The following MMAB variants were observed in gnomAD, a reference collection of about 807,000 sequenced individuals.
MMAB encodes corrinoid adenosyltransferase MMAB.
MMAB carries 17 observed loss-of-function variants against 30.6 expected under a neutral mutation model. That is an observed-to-expected ratio of 0.56 (90% CI 0.38 to 0.83). The LOEUF (loss-of-function observed/expected upper bound fraction) is 0.83. MMAB is among the 40% of genes least tolerant of loss of function. The pLI is 0.00. For missense variants in MMAB, 311 were observed against 331.6 expected (o/e 0.94, Z 0.48); for synonymous variants, 134 against 138.6 (o/e 0.97, Z 0.23).
rs879270876 is a variant in MMAB, at chr12:109,556,475, G to A, written c.*553C>T. 3 of 453,918 alleles carry A rather than the reference G, an allele frequency of 6.6e-6. No individual in the cohort carries two copies. The highest frequency in any genetic ancestry group is 2.4e-5 in the Admixed American group (1 of 42,530). 28.1% of individuals were successfully genotyped at this position (453,918 alleles called of 1,614,324 possible). On this transcript the variant is annotated 3_prime_UTR_variant, in exon 9 of 9. Transcript: ENST00000545712. ...AGCTATCCTTCCCCCACACTTTGGCGGTGATGGGTGGCTCAGAGGTGACTA... is the reference window on the plus strand; with the variant it reads ...AGCTATCCTTCCCCCACACTTTGGCAGTGATGGGTGGCTCAGAGGTGACTA...
rs954626686 is a variant in MMAB at position 109,561,997 on chromosome 12, C to T, written c.349-145G>A. 14 of 717,402 alleles carry T rather than the reference C, an allele frequency of 2.0e-5. No individual in the cohort carries two copies. The Admixed American group carries it at 2.7e-4, about 14-fold the overall frequency. The allele number at this position is 717,402 out of a possible 1,614,324, so 44.4% of individuals were successfully genotyped here. ...GTGATATGGTTTGGCAATGTGTCCC[C>T]ATCCAAATCTCATGTTAAATTGTGA... On this transcript the variant is annotated intron_variant, in intron 4 of 8. Transcript: ENST00000545712. This position sits in a 1 kb window ranked among gnomAD's most constrained non-coding sequence, Gnocchi z 5.3.
chr12:109,561,767 G>A lies in MMAB; in HGVS notation c.421+13C>T. On this transcript the variant is annotated intron_variant, in intron 5 of 8. Transcript: ENST00000545712. The surrounding 1 kb of genome is among the most constrained non-coding windows in gnomAD (Gnocchi z 5.3). ...TAGGGCCCTCTGAACACCCACAGGAGTTTGAGAATTACTTAAGTGAGCCTC... is the reference window on the plus strand; with the variant it reads ...TAGGGCCCTCTGAACACCCACAGGAATTTGAGAATTACTTAAGTGAGCCTC... The A allele has an allele frequency of 3.7e-6, 6 of 1,602,730 alleles. No homozygotes were observed. Among genetic ancestry groups the A allele is most frequent in the Non-Finnish European group, 5.1e-6 (6 of 1,173,910 alleles).
rs1165376695 is a variant in MMAB, at chr12:109,569,521, A to G, written c.197-658T>C. 6.6e-6 allele frequency among the ~76,000 whole-genome samples: 1 copy of G among 152,210 alleles called. No homozygotes were observed. Among genetic ancestry groups the G allele is most frequent in the Non-Finnish European group, 1.5e-5 (1 of 68,042 alleles). ...CTGATAAAGAAATACAACACGTTCTATATTTTATATCATATATACATTACC... is the reference window on the plus strand; with the variant it reads ...CTGATAAAGAAATACAACACGTTCTGTATTTTATATCATATATACATTACC... On this transcript the variant is annotated intron_variant, in intron 2 of 8. Transcript: ENST00000545712. This position sits in a 1 kb window ranked among gnomAD's most constrained non-coding sequence, Gnocchi z 4.1.
Position 109,556,390 on chromosome 12 carries a change from C to A in MMAB, c.*638G>T, listed in dbSNP as rs561830040. On this transcript the variant is annotated 3_prime_UTR_variant, in exon 9 of 9. Coordinates refer to ENST00000545712, the MANE Select transcript of MMAB (RefSeq NM_052845.4). ...TTCAGAGGGGGTCCTCTAAGCTGCA[C>A]CCCCATCACACACACTTCAATCTAA... 2.0e-5 allele frequency: 9 copies of A among 454,042 alleles called. No individual in the cohort carries two copies. The highest frequency in any genetic ancestry group is 1.4e-4 in the African/African-American group (7 of 50,078). The allele number at this position is 454,042 out of a possible 1,614,324, so 28.1% of individuals were successfully genotyped here.
Position 109,555,281 on chromosome 12 carries a change from T to TTTTTTG in MMAB, c.*1746_*1747insCAAAAA. ...TAGTGATTGCGTTTTCAGGGTTTTT[T>TTTTTTG]TTTTTTTTTTTTTTTTTTTGTGACG... is the stretch of plus-strand genomic sequence containing the variant. On this transcript the variant is annotated 3_prime_UTR_variant, in exon 9 of 9. Coordinates refer to ENST00000545712, the MANE Select transcript of MMAB (RefSeq NM_052845.4). 1 of 226,392 alleles carries TTTTTTG rather than the reference T, an allele frequency of 4.4e-6. No homozygotes were observed. Among genetic ancestry groups the TTTTTTG allele is most frequent in the Non-Finnish European group, 9.2e-6 (1 of 108,338 alleles). The allele number at this position is 226,392 out of a possible 1,614,324, so 14.0% of individuals were successfully genotyped here. A position where few individuals can be genotyped will look rare whatever the true frequency, so the allele number is the denominator to read the frequency against.
At chr12:109,572,054 C>T (rs1016817393) in intron 1 of MMAB, among the ~76,000 whole-genome samples, 3 of 152,154 alleles carry the variant, frequency 2.0e-5, no homozygotes, top group South Asian at 2.1e-4. Context: ...CTGGAATTAT[C>T]CTGGAATCTT....
chr12:109,554,996 G>A lies in MMAB; in HGVS notation c.*2032C>T. 1 of 454,126 alleles carries A rather than the reference G, an allele frequency of 2.2e-6. No individual in the cohort carries two copies. Among genetic ancestry groups the A allele is most frequent in the Non-Finnish European group, 4.4e-6 (1 of 226,800 alleles). 28.1% of individuals were successfully genotyped at this position (454,126 alleles called of 1,614,324 possible). On this transcript the variant is annotated 3_prime_UTR_variant, in exon 9 of 9. Transcript: ENST00000545712. The stretch of plus-strand genomic sequence containing the variant: ...GAACGCGACTGTTAACATCCAGGCT[G>A]TGACACCCGGTCCTGGAAGGACAGG...
rs1231700226 is a variant in MMAB, at chr12:109,554,936, T to A, written c.*2092A>T. 1.8e-5 allele frequency: 8 copies of A among 453,982 alleles called. No individual in the cohort carries two copies. Among genetic ancestry groups the A allele is most frequent in the Non-Finnish European group, 3.5e-5 (8 of 226,802 alleles). 28.1% of individuals were successfully genotyped at this position (453,982 alleles called of 1,614,324 possible). The stretch of plus-strand genomic sequence containing the variant: ...GGTTTCTCAGAGAAGTGTTTGCTGG[T>A]GAACCGGGAGACAGATACAGAGGCG... On this transcript the variant is annotated 3_prime_UTR_variant, in exon 9 of 9. Coordinates refer to ENST00000545712, the MANE Select transcript of MMAB (RefSeq NM_052845.4).
Position 109,558,842 on chromosome 12 carries a change from G to T in MMAB, c.644+254C>A, listed in dbSNP as rs1016998854. Among the ~76,000 whole-genome samples, 4 of 151,996 alleles carry T rather than the reference G, an allele frequency of 2.6e-5. No homozygotes were observed. On this transcript the variant is annotated intron_variant, in intron 8 of 8. Coordinates refer to ENST00000545712, the MANE Select transcript of MMAB (RefSeq NM_052845.4). The surrounding 1 kb of genome is among the most constrained non-coding windows in gnomAD (Gnocchi z 4.3). ...ACTTTGCACTTAGGTTTTTCTTCCT[G>T]GTTTTTACAGCAGCCTCTCCCAATA... is the stretch of plus-strand genomic sequence containing the variant.
At chr12:109,566,637 C>T (rs1884437605) in intron 3 of MMAB, among the ~76,000 whole-genome samples, 1 of 152,204 alleles carries the variant, frequency 6.6e-6, no homozygotes, top group Non-Finnish European at 1.5e-5. Context: ...CTGCCTGCTC[C>T]CTGCACTCTG....
Position 109,561,412 on chromosome 12 carries a change from G to A in MMAB, c.519+8C>T. 6.5e-7 allele frequency: 1 copy of A among 1,550,028 alleles called. No individual in the cohort carries two copies. The highest frequency in any genetic ancestry group is 8.7e-7 in the Non-Finnish European group (1 of 1,146,332). On this transcript the variant is annotated splice_region_variant and intron_variant, in intron 6 of 8. Transcript: ENST00000545712. This position sits in a 1 kb window ranked among gnomAD's most constrained non-coding sequence, Gnocchi z 5.3. Reference sequence around the variant, plus strand: ...AGCCGCCCCCGGTTAAGCCTGCCCAGTACCTACAGGCAGGATGAAGGCCGT... The same window carrying A: ...AGCCGCCCCCGGTTAAGCCTGCCCAATACCTACAGGCAGGATGAAGGCCGT...
At position 109,555,529 on chromosome 12, in the gene MMAB, G is replaced by C. The variant is rs376562336; in HGVS notation, c.*1499C>G. ...GGCTGGTCTCAAACTCCTGACCTCA[G>C]GTGATCTGCCTGCCTCGGCCTCCCA... On this transcript the variant is annotated 3_prime_UTR_variant, in exon 9 of 9. Coordinates refer to ENST00000545712, the MANE Select transcript of MMAB (RefSeq NM_052845.4). The C allele has an allele frequency of 8.4e-5, 37 of 440,674 alleles. 1 individual carries two copies. Among genetic ancestry groups the C allele is most frequent in the South Asian group, 4.7e-4 (29 of 61,976 alleles). The allele number at this position is 440,674 out of a possible 1,614,324, so 27.3% of individuals were successfully genotyped here.
chr12:109,556,982 G>T lies in MMAB; in HGVS notation c.*46C>A. ...CAGAAGGGCAAGCTCCTCTCTCCAC[G>T]GCCATCGCCATGGAGGGATCCTCCA... On this transcript the variant is annotated 3_prime_UTR_variant, in exon 9 of 9. Coordinates refer to ENST00000545712, the MANE Select transcript of MMAB (RefSeq NM_052845.4). 7.6e-7 allele frequency: 1 copy of T among 1,322,686 alleles called. No homozygotes were observed. Among genetic ancestry groups the T allele is most frequent in the Admixed American group, 1.7e-5 (1 of 59,444 alleles). The allele number at this position is 1,322,686 out of a possible 1,614,324, so 81.9% of individuals were successfully genotyped here.
chr12:109,557,012 C>G lies in MMAB; in HGVS notation c.*16G>C, dbSNP rs771346306. ...TCGCCATGGAGGGATCCTCCAAGCT[C>G]CCACTTTCTGTGATTTCAGAGTCCC... On this transcript the variant is annotated 3_prime_UTR_variant, in exon 9 of 9. Coordinates refer to ENST00000545712, the MANE Select transcript of MMAB (RefSeq NM_052845.4). 6.4e-7 allele frequency: 1 copy of G among 1,551,018 alleles called. No individual in the cohort carries two copies. Among genetic ancestry groups the G allele is most frequent in the South Asian group, 1.1e-5 (1 of 89,854 alleles).
chr12:109,553,908 G>C lies in MMAB; in HGVS notation c.*3120C>G. On this transcript the variant is annotated 3_prime_UTR_variant, in exon 9 of 9. Coordinates refer to ENST00000545712, the MANE Select transcript of MMAB (RefSeq NM_052845.4). The stretch of plus-strand genomic sequence containing the variant: ...TGACGGGGGCTTCCGAACTGGGGAC[G>C]TTTGTCATTGGGATGTGTTACAAGT... The C allele has an allele frequency of 2.2e-6, 1 of 454,046 alleles. No homozygotes were observed. 28.1% of individuals were successfully genotyped at this position (454,046 alleles called of 1,614,324 possible).
chr12:109,571,554 T>G (rs1884626537), intron 2 of MMAB, 95 bp downstream of exon 2: 3 of 1,222,664 alleles, frequency 2.5e-6, no homozygotes, highest in Non-Finnish European at 3.6e-6. Context: ...GCCTGGTATA[T>G]TATACTTTAA....
In MMAB at chr12:109,559,125, G is replaced by A. The variant is rs760629956; in HGVS notation, c.615C>T (p.Thr205=). The A allele has an allele frequency of 5.0e-6, 8 of 1,613,618 alleles. No individual in the cohort carries two copies. The highest frequency in any genetic ancestry group is 1.3e-5 in the African/African-American group (1 of 74,870). The change falls in exon 8 of 9, where the codon ACC becomes ACT. Residue 205 remains threonine, a synonymous_variant. Coordinates refer to ENST00000545712, the MANE Select transcript of MMAB (RefSeq NM_052845.4). ...RVVPLVQMGE[T]DANVAKFLNR... Reference sequence around the variant, plus strand: ...TTAAGAACTTGGCCACGTTCGCATCGGTCTCTCCCATCTGGACAAGAGGCA... The same window carrying A: ...TTAAGAACTTGGCCACGTTCGCATCAGTCTCTCCCATCTGGACAAGAGGCA...
At chr12:109,562,977 G>A (rs1365988008) in intron 4 of MMAB, among the ~76,000 whole-genome samples, 1 of 152,204 alleles carries the variant, frequency 6.6e-6, no homozygotes, top group African/African-American at 2.4e-5. Context: ...CTACCAGGAG[G>A]GTGAAGGTCT....
intron 4 of MMAB, among the ~76,000 whole-genome samples, chr12:109,563,544 T>C (rs1233172038): frequency 6.6e-6 from 1 of 152,234 alleles, no homozygotes; most frequent in African/African-American, 2.4e-5. Context: ...CCCCTTGTGA[T>C]GCCTGTGGTT....
Sources: gnomAD v4.1 joint callset for allele counts (sites outside exome capture counted in the v4.1 genomes callset) on GRCh38, gnomAD v4.1.1 for gene constraint, Gnocchi (gnomAD v3.1) non-coding constraint, MANE v1.5 for transcripts, NCBI Gene and HGNC (gene_info 2026-07-23, HGNC 2026-07-21) for gene names.